Variants in GPHN observed in about 807,000 individuals in gnomAD.
The protein encoded by GPHN is gephyrin.
Under a neutral mutation model 95.5 loss-of-function variants are expected in GPHN, and 17 were observed. The observed-to-expected ratio is 0.18, with a 90% CI of 0.12 to 0.27. GPHN has a LOEUF of 0.27. Ranked by LOEUF, GPHN falls within the 10% of genes least tolerant of loss-of-function variation. GPHN has a pLI of 1.00. For synonymous variants in GPHN, 320 were observed against 322.5 expected (o/e 0.99, Z 0.08); for missense variants, 660 against 978.1 (o/e 0.67, Z 4.34).
intron 17 of GPHN, among the ~76,000 whole-genome samples, chr14:67,125,234 G>T (rs564902704): frequency 2.6e-5 from 4 of 152,114 alleles, no homozygotes; most frequent in South Asian, 2.1e-4. Flanking sequence ...TGGGAGGAAA[G>T]AATTTATAAT....
chr14:67,659,216 C>T, the GPHN span, among the ~76,000 whole-genome samples: 2 of 152,158 alleles, frequency 1.3e-5, no homozygotes, highest in South Asian at 2.1e-4. Context: ...TCTCGAGAAG[C>T]GCCCTGCATT....
intron 3 of GPHN, among the ~76,000 whole-genome samples, chr14:66,796,261 A>G (rs1008032870): frequency 5.3e-5 from 8 of 152,076 alleles, no homozygotes; most frequent in Non-Finnish European, 7.4e-5. Flanking sequence ...AATCTTAGCT[A>G]TTGTGAACAC....
chr14:67,151,215 T>C (rs572353420), intron 18 of GPHN, among the ~76,000 whole-genome samples: 1 of 152,354 alleles, frequency 6.6e-6, no homozygotes, highest in South Asian at 2.1e-4. Flanking sequence ...GCTTCAGTTC[T>C]ACTTACAACT....
intron 11 of GPHN, among the ~76,000 whole-genome samples, chr14:67,070,715 A>AAAAAAATATATATATATATAT: frequency 2.0e-4 from 16 of 80,660 alleles, no homozygotes; most frequent in South Asian, 8.5e-4. Flanking sequence ...AAAAAAAAAA[A>AAAAAAATATATATATATATAT]ATATATATAT....
chr14:67,467,489 G>A, the GPHN span: 1 of 152,206 alleles, frequency 6.6e-6, no homozygotes, highest in Non-Finnish European at 1.5e-5. Context: ...AGGGTATCAA[G>A]GCTAAACTCA....
chr14:66,825,561 G>C (rs945411687), intron 4 of GPHN, among the ~76,000 whole-genome samples: 41 of 152,070 alleles, frequency 2.7e-4, no homozygotes, highest in African/African-American at 8.2e-4. Flanking sequence ...AATGGGTCTT[G>C]AGAATCTGTA....
intron 2 of GPHN, among the ~76,000 whole-genome samples, chr14:66,745,958 A>G (rs1406348753): frequency 6.6e-6 from 1 of 152,104 alleles, no homozygotes; most frequent in Non-Finnish European, 1.5e-5. Context: ...AAGTATGACC[A>G]GCTTCTCTCA....
chr14:66,684,828 G>A (rs1186597749), intron 2 of GPHN, among the ~76,000 whole-genome samples: 1 of 151,688 alleles, frequency 6.6e-6, no homozygotes, highest in Non-Finnish European at 1.5e-5. Flanking sequence ...GTGTACATGT[G>A]CCATGTTGGT....
the GPHN span, chr14:67,392,787 T>C: frequency 6.2e-7 from 1 of 1,613,542 alleles, no homozygotes; most frequent in Non-Finnish European, 8.5e-7. Context: ...GAGGCCAGGG[T>C]CACCGCCTCC....
At chr14:66,628,640 T>A (rs1176076666) in intron 1 of GPHN, among the ~76,000 whole-genome samples, 1 of 152,164 alleles carries the variant, frequency 6.6e-6, no homozygotes, top group Non-Finnish European at 1.5e-5. Context: ...ACACTAATTA[T>A]ATTAAAAGAT....
the GPHN span, chr14:67,473,209 C>G: frequency 1.6e-6 from 1 of 636,978 alleles, no homozygotes; most frequent in East Asian, 2.9e-5. This position sits in a 1 kb window ranked among gnomAD's most constrained non-coding sequence, Gnocchi z 6.5. Flanking sequence ...TTCCCAATGT[C>G]CCTCTGCTGC....
the GPHN span, among the ~76,000 whole-genome samples, chr14:67,559,379 C>T: frequency 3.3e-5 from 5 of 152,252 alleles, no homozygotes; most frequent in East Asian, 1.9e-4. Flanking sequence ...AGGGATATGC[C>T]GCGTTTATTC....
At chr14:66,512,711 A>C (rs1048729327) in intron 1 of GPHN, among the ~76,000 whole-genome samples, 1 of 151,766 alleles carries the variant, frequency 6.6e-6, no homozygotes, top group African/African-American at 2.4e-5. Flanking sequence ...GGAGTATTTC[A>C]GTTATTCATA....
chr14:66,620,276 G>A (rs1164812952), intron 1 of GPHN, among the ~76,000 whole-genome samples: 1 of 152,144 alleles, frequency 6.6e-6, no homozygotes, highest in Non-Finnish European at 1.5e-5. Context: ...TGAGGATACA[G>A]GCCTTTAGGT....
intron 2 of GPHN, among the ~76,000 whole-genome samples, chr14:66,682,490 G>C (rs1192811828): frequency 6.6e-6 from 1 of 152,166 alleles, no homozygotes; most frequent in Non-Finnish European, 1.5e-5. Context: ...GGTGGCTCAT[G>C]CCTGTAATCC....
At chr14:66,698,723 C>T (rs140804037) in intron 2 of GPHN, among the ~76,000 whole-genome samples, 3 of 152,262 alleles carry the variant, frequency 2.0e-5, no homozygotes, top group Non-Finnish European at 2.9e-5. Flanking sequence ...AGTCATCCAT[C>T]CTTTGGTATG....
the GPHN span, among the ~76,000 whole-genome samples, chr14:67,357,980 C>T: frequency 6.6e-6 from 1 of 152,064 alleles, no homozygotes; most frequent in African/African-American, 2.4e-5. Context: ...AATTGTAAGC[C>T]TGTTTCGTAA....
chr14:67,471,374 A>C, the GPHN span: 2 of 152,288 alleles, frequency 1.3e-5, no homozygotes, highest in Non-Finnish European at 2.9e-5. Flanking sequence ...GAAGGCCTGA[A>C]GGGGTGCTGG....
chr14:67,265,654 C>T, the GPHN span, among the ~76,000 whole-genome samples: 1 of 151,974 alleles, frequency 6.6e-6, no homozygotes, highest in Non-Finnish European at 1.5e-5. Flanking sequence ...GTCAGAAGTT[C>T]AAGACCAGCC....
Sources: gnomAD v4.1 joint callset for allele counts (sites outside exome capture counted in the v4.1 genomes callset) on GRCh38, gnomAD v4.1.1 for gene constraint, Gnocchi (gnomAD v3.1) non-coding constraint, MANE v1.5 for transcripts, NCBI Gene and HGNC (gene_info 2026-07-23, HGNC 2026-07-21) for gene names.